The following FAM171A1 variants were observed in gnomAD, a reference collection of about 807,000 sequenced individuals.
FAM171A1 encodes protein FAM171A1.
FAM171A1 carries 23 observed loss-of-function variants against 74.9 expected under a neutral mutation model. The observed-to-expected ratio is 0.31, with a 90% CI of 0.22 to 0.44. The LOEUF (loss-of-function observed/expected upper bound fraction) is 0.44. Ranked by LOEUF, FAM171A1 falls within the 20% of genes least tolerant of loss-of-function variation. The pLI, the probability that FAM171A1 is intolerant of heterozygous loss-of-function variation, is 1.00. For synonymous variants in FAM171A1, 527 were observed against 505.7 expected, an observed-to-expected ratio of 1.04 and a Z score of -0.57; for missense variants, 1,162 against 1,159.2, an observed-to-expected ratio of 1.00 and a Z score of -0.03.
At chr10:15,369,720 G>A (rs1836110875) in intron 1 of FAM171A1, among the ~76,000 whole-genome samples, 2 of 152,210 alleles carry the variant, frequency 1.3e-5, no homozygotes, top group African/African-American at 4.8e-5. Flanking sequence ...CGTGGTGGAA[G>A]CCCGGGCGTC....
chr10:15,214,642 T>A, intron 7 of FAM171A1, 41 bp from the exon 8 acceptor site: 1 of 1,505,530 alleles, frequency 6.6e-7, no homozygotes, highest in Non-Finnish European at 8.8e-7. Flanking sequence ...GATTAGTGAT[T>A]CTCACAATGA....
At chr10:15,373,280 T>C (rs11596590), upstream of FAM171A1, among the ~76,000 whole-genome samples, 61,056 of 152,064 alleles carry the variant, frequency 0.4, 14,153 homozygotes, top group East Asian at 0.71. Flanking sequence ...TTCTGATTCC[T>C]GCATCTAAGC....
At position 15,317,321 on chromosome 10, in the gene FAM171A1, C is replaced by T. The variant is rs1305905844; in HGVS notation, c.98-33216G>A. The stretch of plus-strand genomic sequence containing the variant: ...TCCTGCAGGCCAGGGGTCACTAACA[C>T]GAAGCATAAAACTACTTATAAACAG... On this transcript the variant is annotated intron_variant, in intron 1 of 7. Transcript: ENST00000378116. Among the ~76,000 whole-genome samples, 8 of 152,192 alleles carry T rather than the reference C, an allele frequency of 5.3e-5. No homozygotes were observed. In the East Asian group the frequency reaches 5.8e-4, roughly 11 times the overall value.
At chr10:15,288,584 G>A (rs1835065905) in intron 1 of FAM171A1, among the ~76,000 whole-genome samples, 1 of 152,124 alleles carries the variant, frequency 6.6e-6, no homozygotes, top group South Asian at 2.1e-4. Flanking sequence ...GGTCTTCACT[G>A]TTTGCTAAGA....
At chr10:15,252,383 G>C (rs1343245699) in intron 4 of FAM171A1, among the ~76,000 whole-genome samples, 1 of 152,106 alleles carries the variant, frequency 6.6e-6, no homozygotes, top group Non-Finnish European at 1.5e-5. Context: ...CTGAACTCTG[G>C]TTATGACGCT....
At chr10:15,369,862 C>T (rs1836113272) in intron 1 of FAM171A1, among the ~76,000 whole-genome samples, 1 of 152,234 alleles carries the variant, frequency 6.6e-6, no homozygotes, top group Non-Finnish European at 1.5e-5. Context: ...TCTGAGGGGA[C>T]AGGCCTCGGG....
intron 1 of FAM171A1, among the ~76,000 whole-genome samples, chr10:15,299,354 T>C (rs1228610751): frequency 6.6e-6 from 1 of 152,230 alleles, no homozygotes; most frequent in Non-Finnish European, 1.5e-5. Context: ...TTTGCCAGCT[T>C]CAAAGATCTG....
At chr10:15,368,851 A>T (rs993641679) in intron 1 of FAM171A1, among the ~76,000 whole-genome samples, 3 of 152,210 alleles carry the variant, frequency 2.0e-5, no homozygotes, top group Non-Finnish European at 2.9e-5. Context: ...GTTGGGACTG[A>T]CCTTCTAATG....
At chr10:15,278,166 G>A (rs1834918660) in intron 2 of FAM171A1, among the ~76,000 whole-genome samples, 1 of 112,960 alleles carries the variant, frequency 8.9e-6, no homozygotes, top group Non-Finnish European at 2.0e-5. Flanking sequence ...TCATATACGA[G>A]GCTCAGATCT....
chr10:15,254,504 A>C (rs1019728053), intron 4 of FAM171A1, among the ~76,000 whole-genome samples: 3 of 152,240 alleles, frequency 2.0e-5, no homozygotes, highest in Non-Finnish European at 4.4e-5. Flanking sequence ...TAACAGAAGA[A>C]AAGCTCAAGG....
At chr10:15,340,821 C>T (rs1835756645) in intron 1 of FAM171A1, among the ~76,000 whole-genome samples, 1 of 152,158 alleles carries the variant, frequency 6.6e-6, no homozygotes, top group African/African-American at 2.4e-5. Context: ...CATGCAGAAG[C>T]TATCCAGTGT....
intron 5 of FAM171A1, among the ~76,000 whole-genome samples, chr10:15,236,229 T>C (rs1479549162): frequency 6.6e-6 from 1 of 150,564 alleles, no homozygotes; most frequent in Middle Eastern, 3.2e-3. Flanking sequence ...GAGACTGGGA[T>C]GTTAAATTTA....
At chr10:15,312,242 A>T (rs1321285017) in intron 1 of FAM171A1, among the ~76,000 whole-genome samples, 2 of 152,368 alleles carry the variant, frequency 1.3e-5, no homozygotes, top group Non-Finnish European at 2.9e-5. Context: ...AGAATAGGAA[A>T]GAAAATATGC....
intron 1 of FAM171A1, among the ~76,000 whole-genome samples, chr10:15,358,981 C>G (rs760594796): frequency 7.2e-5 from 11 of 152,136 alleles, no homozygotes; most frequent in African/African-American, 1.2e-4. Context: ...CGTTTAACTT[C>G]TTTGCACCTC....
intron 1 of FAM171A1, among the ~76,000 whole-genome samples, chr10:15,310,462 C>T (rs563406703): frequency 6.6e-6 from 1 of 152,244 alleles, no homozygotes; most frequent in African/African-American, 2.4e-5. Flanking sequence ...TGCAGAGTAC[C>T]GTGACCAACC....
intron 1 of FAM171A1, among the ~76,000 whole-genome samples, chr10:15,354,598 C>T (rs148585137): frequency 6.6e-5 from 10 of 152,268 alleles, no homozygotes; most frequent in African/African-American, 1.9e-4. Context: ...GGGGAAGCAC[C>T]GAGTCCGATC....
rs185032473 is a variant in FAM171A1, at chr10:15,261,644, C to T, written c.419-6765G>A. On this transcript the variant is annotated intron_variant, in intron 3 of 7. Transcript: ENST00000378116. ...AGCTGTCCAGGAGAAAAGCAGTTCC[C>T]GGGCTGGTATTTGTGAACTGTGTCT... Among the ~76,000 whole-genome samples, 21 of 152,174 alleles carry T rather than the reference C, an allele frequency of 1.4e-4. No individual in the cohort carries two copies. In the East Asian group the frequency reaches 4.1e-3, roughly 29 times the overall value.
chr10:15,254,964 G>C, intron 3 of FAM171A1, 85 bp from the exon 4 acceptor site: 1 of 1,302,052 alleles, frequency 7.7e-7, no homozygotes, highest in Non-Finnish European at 1.1e-6. Context: ...CCTCTCTAAG[G>C]TTTCAGCACG....
chr10:15,321,604 A>G (rs534674235), intron 1 of FAM171A1, among the ~76,000 whole-genome samples: 12 of 152,372 alleles, frequency 7.9e-5, no homozygotes, highest in Non-Finnish European at 1.5e-4. Context: ...AGAAAAACCA[A>G]AAGACAAACT....
Sources: gnomAD v4.1 joint callset for allele counts (sites outside exome capture counted in the v4.1 genomes callset) on GRCh38, gnomAD v4.1.1 for gene constraint, MANE v1.5 for transcripts, NCBI Gene and HGNC (gene_info 2026-07-23, HGNC 2026-07-21) for gene names.